TMEFF2: variants seen among roughly 807,000 people sequenced by gnomAD.
TMEFF2 encodes the protein tomoregulin-2.
In TMEFF2, 28 loss-of-function variants were observed where a neutral mutation model predicts 53.8. The ratio of observed to expected loss-of-function variants is 0.52; its 90% CI spans 0.39 to 0.71. The LOEUF (loss-of-function observed/expected upper bound fraction) is 0.71. Among genes scored for constraint, TMEFF2 ranks in the 30% least tolerant of loss-of-function variants. The pLI is 0.00. For synonymous variants in TMEFF2, 162 were observed against 166.3 expected, an observed-to-expected ratio of 0.97 and a Z score of 0.20; for missense variants, 353 against 455.2, an observed-to-expected ratio of 0.78 and a Z score of 2.04.
chr2:192,109,369 T>C (rs1689223958), intron 4 of TMEFF2, among the ~76,000 whole-genome samples: 1 of 152,096 alleles, frequency 6.6e-6, no homozygotes, highest in South Asian at 2.1e-4. Context: ...TTTTATCGAC[T>C]CACTGCTGGT....
At chr2:191,958,017 A>G (rs1692158830) in intron 7 of TMEFF2, among the ~76,000 whole-genome samples, 1 of 152,248 alleles carries the variant, frequency 6.6e-6, no homozygotes, top group South Asian at 2.1e-4. Context: ...GTAAGCAAAT[A>G]CACCAAAATT....
chr2:191,966,124 T>G (rs1335500279), intron 7 of TMEFF2, among the ~76,000 whole-genome samples: 1 of 152,162 alleles, frequency 6.6e-6, no homozygotes, highest in Admixed American at 6.6e-5. Context: ...CCAGAAAATA[T>G]ACAAAAGTAA....
chr2:192,159,288 C>T (rs556674131), intron 4 of TMEFF2, among the ~76,000 whole-genome samples: 32 of 152,110 alleles, frequency 2.1e-4, no homozygotes, highest in Middle Eastern at 6.8e-3. Context: ...GGATCAAGGC[C>T]GAAGGATAGC....
Position 191,949,252 on chromosome 2 carries a change from TGCTATA to T in TMEFF2, c.*1053_*1058del. 3.0e-6 allele frequency: 3 copies of T among 985,396 alleles called. No individual in the cohort carries two copies. The highest frequency in any genetic ancestry group is 3.6e-6 in the Non-Finnish European group (3 of 829,890). The allele number at this position is 985,396 out of a possible 1,614,324, so 61.0% of individuals were successfully genotyped here. On this transcript the variant is annotated 3_prime_UTR_variant, in exon 10 of 10. Transcript: ENST00000272771. Reference sequence around the variant, plus strand: ...CAACTTCCCAGTGAGGTCTTTCAGATGCTATAGGATTAATTTTCTTTCTTACCTCAC... The same window carrying T: ...CAACTTCCCAGTGAGGTCTTTCAGATGGATTAATTTTCTTTCTTACCTCAC...
At chr2:192,079,857 G>A (rs980415790) in intron 4 of TMEFF2, among the ~76,000 whole-genome samples, 3 of 152,116 alleles carry the variant, frequency 2.0e-5, no homozygotes, top group Admixed American at 6.6e-5. Context: ...TAGGAAGATA[G>A]AAAAATATGT....
chr2:192,171,200 C>T (rs905501431), intron 4 of TMEFF2, among the ~76,000 whole-genome samples: 2 of 151,972 alleles, frequency 1.3e-5, no homozygotes, highest in African/African-American at 4.8e-5. Context: ...GATTTGACTA[C>T]AGCAAAACCT....
intron 7 of TMEFF2, among the ~76,000 whole-genome samples, chr2:191,982,802 CTTCT>C (rs1296467369): frequency 6.6e-6 from 1 of 152,122 alleles, no homozygotes; most frequent in Non-Finnish European, 1.5e-5. Context: ...CAGAACAGCT[CTTCT>C]TTGACTCCTT....
At chr2:192,012,383 A>G (rs1320915492) in intron 5 of TMEFF2, among the ~76,000 whole-genome samples, 1 of 152,210 alleles carries the variant, frequency 6.6e-6, no homozygotes, top group Non-Finnish European at 1.5e-5. Context: ...TACCTTTGTC[A>G]CTGACATAAG....
At chr2:192,178,705 G>C (rs1042478658) in intron 4 of TMEFF2, 75 of 151,164 alleles carry the variant, frequency 5.0e-4, no homozygotes, top group African/African-American at 1.7e-3. Context: ...GATAAAGGGT[G>C]CACTAAATAT....
intron 5 of TMEFF2, chr2:192,028,674 T>G (rs1687037982): frequency 6.6e-6 from 1 of 152,150 alleles, no homozygotes; most frequent in African/African-American, 2.4e-5. Context: ...GTGAGCATCA[T>G]GATGTGCAAT....
intron 4 of TMEFF2, among the ~76,000 whole-genome samples, chr2:192,092,839 A>C (rs73043800): frequency 0.02 from 3,092 of 152,160 alleles, 97 homozygotes; most frequent in African/African-American, 0.07. Context: ...AAGCTGAAAA[A>C]GGCAAAAACA....
intron 7 of TMEFF2, among the ~76,000 whole-genome samples, chr2:191,990,763 GGTGTGTGTGTGT>G (rs34545329): frequency 4.5e-5 from 6 of 134,706 alleles, no homozygotes; most frequent in African/African-American, 1.4e-4. Context: ...CTCTTTGCGG[GGTGTGTGTGTGT>G]GTGTGTGTGT....
intron 5 of TMEFF2, among the ~76,000 whole-genome samples, chr2:192,023,396 G>C (rs1686900109): frequency 6.6e-6 from 1 of 152,172 alleles, no homozygotes; most frequent in South Asian, 2.1e-4. Context: ...TATACGCTAG[G>C]AACTGTAATT....
intron 4 of TMEFF2, chr2:192,179,453 G>T (rs1250354923): frequency 7.2e-6 from 3 of 415,044 alleles, no homozygotes; most frequent in African/African-American, 2.1e-5. Context: ...AACAAGGAAG[G>T]TTAACTGGAG....
In TMEFF2 at chr2:191,950,038, TTATTATA is replaced by T; in HGVS notation, c.*266_*272del. The T allele has an allele frequency of 8.7e-7, 1 of 1,152,606 alleles. No homozygotes were observed. Among genetic ancestry groups the T allele is most frequent in the East Asian group, 5.1e-5 (1 of 19,600 alleles). 71.4% of individuals were successfully genotyped at this position (1,152,606 alleles called of 1,614,324 possible). The stretch of plus-strand genomic sequence containing the variant: ...CCAATTTTTTCTCATCACTGAGTAT[TTATTATA>T]TATAACAAATACATGGGAAAGAAAA... On this transcript the variant is annotated 3_prime_UTR_variant, in exon 10 of 10. Transcript: ENST00000272771.
chr2:192,072,473 C>T (rs545565058), intron 4 of TMEFF2, among the ~76,000 whole-genome samples: 2 of 151,916 alleles, frequency 1.3e-5, no homozygotes, highest in South Asian at 4.1e-4. Flanking sequence ...AAGACACATT[C>T]TGTTTCCTGA....
intron 4 of TMEFF2, among the ~76,000 whole-genome samples, chr2:192,086,081 AT>A (rs1203785632): frequency 1.3e-5 from 2 of 152,152 alleles, no homozygotes; most frequent in Non-Finnish European, 2.9e-5. Flanking sequence ...GAAATTTGTT[AT>A]TTTGTGTAAA....
chr2:192,099,631 C>A (rs1414931314), intron 4 of TMEFF2, among the ~76,000 whole-genome samples: 1 of 152,194 alleles, frequency 6.6e-6, no homozygotes, highest in Non-Finnish European at 1.5e-5. Flanking sequence ...CGAAGCCCCA[C>A]AACTTACAGA....
chr2:192,179,412 G>T, intron 4 of TMEFF2: 1 of 387,478 alleles, frequency 2.6e-6, no homozygotes. Context: ...CCATATCAAA[G>T]ATAACTTACA....
Sources: gnomAD v4.1 joint callset for allele counts (sites outside exome capture counted in the v4.1 genomes callset) on GRCh38, gnomAD v4.1.1 for gene constraint, MANE v1.5 for transcripts, NCBI Gene and HGNC (gene_info 2026-07-23, HGNC 2026-07-21) for gene names.